The following OR8J3 variants were observed in gnomAD, a reference collection of about 807,000 sequenced individuals.
OR8J3 encodes the protein olfactory receptor family 8 subfamily J member 3.
For synonymous variants in OR8J3, 170 were observed against 142.6 expected, an observed-to-expected ratio of 1.19 and a Z score of -1.37; for missense variants, 418 against 379.8, an observed-to-expected ratio of 1.10 and a Z score of -0.84.
rs1375864083 is a variant in OR8J3 at position 56,136,261 on chromosome 11, T to G, written c.*510A>C. The G allele has an allele frequency of 6.6e-6, 1 of 152,070 alleles. No individual in the cohort carries two copies. Among genetic ancestry groups the G allele is most frequent in the Non-Finnish European group, 1.5e-5 (1 of 67,940 alleles). 9.4% of individuals were successfully genotyped at this position (152,070 alleles called of 1,614,324 possible). On this transcript the variant is annotated 3_prime_UTR_variant, in exon 2 of 2. Coordinates refer to ENST00000642058, the MANE Select transcript of OR8J3 (RefSeq NM_001004064.2). ...ATTTAAAATATGTATTAATTGATAG[T>G]ATGTCTTTATTGTATATTCAAACAA...
At position 56,135,681 on chromosome 11, in the gene OR8J3, A is replaced by G. The variant is rs1420111170; in HGVS notation, c.*1090T>C. On this transcript the variant is annotated 3_prime_UTR_variant, in exon 2 of 2. Coordinates refer to ENST00000642058, the MANE Select transcript of OR8J3 (RefSeq NM_001004064.2). ...TTTAGTCCTGAAGGAACTCTTTAAC[A>G]CAAGAACCTACTTACAAGTAAACTG... The G allele has an allele frequency of 4.6e-5, 7 of 152,006 alleles. No individual in the cohort carries two copies. Among genetic ancestry groups the G allele is most frequent in the African/African-American group, 4.8e-5 (2 of 41,434 alleles). The allele number at this position is 152,006 out of a possible 1,614,324, so 9.4% of individuals were successfully genotyped here.
rs763712468 is a variant in OR8J3, at chr11:56,137,251, A to G, written c.468T>C (p.Ala156=). 2 of 1,614,186 alleles carry G rather than the reference A, an allele frequency of 1.2e-6. No individual in the cohort carries two copies. The highest frequency in any genetic ancestry group is 2.2e-5 in the South Asian group (2 of 91,082). The change falls in exon 2 of 2, where the codon GCT becomes GCC. Residue 156 remains alanine, a synonymous_variant. Transcript: ENST00000642058. ...SLTYLYGFST[A]IVVSPCIFSV... is the part of the protein sequence containing the mutation. ...AGAATATACAAGGTGAAACCACAAT[A>G]GCTGTAGAAAAGCCATAGAGGTATG...
chr11:56,135,204 T>C lies in OR8J3; in HGVS notation c.*1567A>G, dbSNP rs563897797. 17 of 152,012 alleles carry C rather than the reference T, an allele frequency of 1.1e-4. No individual in the cohort carries two copies. Among genetic ancestry groups the C allele is most frequent in the Non-Finnish European group, 2.1e-4 (14 of 67,898 alleles). 9.4% of individuals were successfully genotyped at this position (152,012 alleles called of 1,614,324 possible). ...TTTGTTATTAAACATGTGGTTATAT[T>C]ATTCCATTGTTCAATAGAAGGCCTA... On this transcript the variant is annotated 3_prime_UTR_variant, in exon 2 of 2. Coordinates refer to ENST00000642058, the MANE Select transcript of OR8J3 (RefSeq NM_001004064.2).
In OR8J3 at chr11:56,137,296, G is replaced by A. The variant is rs772204754; in HGVS notation, c.423C>T (p.Cys141=). Residue 141 remains cysteine (C), a synonymous_variant, in exon 2 of 2, where the codon TGC becomes TGT. Coordinates refer to ENST00000642058, the MANE Select transcript of OR8J3 (RefSeq NM_001004064.2). ...GGTATGTGAGGGACACCAGCAGGAG[G>A]CAGAGCCGCCGAGACACCACCACCA... ...LYMVVVSRRL[C]LLLVSLTYLY... 1 of 1,613,860 alleles carries A rather than the reference G, an allele frequency of 6.2e-7. No homozygotes were observed. Among genetic ancestry groups the A allele is most frequent in the Non-Finnish European group, 8.5e-7 (1 of 1,180,010 alleles).
In OR8J3 at chr11:56,135,059, C is replaced by T. The variant is rs1472870689; in HGVS notation, c.*1712G>A. 6.6e-6 allele frequency: 1 copy of T among 151,914 alleles called. No homozygotes were observed. The highest frequency in any genetic ancestry group is 1.5e-5 in the Non-Finnish European group (1 of 67,862). 9.4% of individuals were successfully genotyped at this position (151,914 alleles called of 1,614,324 possible). On this transcript the variant is annotated 3_prime_UTR_variant, in exon 2 of 2. Transcript: ENST00000642058. ...AGATCTGGTAAAATTCATTATATTTCATTTGTCATATTTGGCTACAAACAA... is the reference window on the plus strand; with the variant it reads ...AGATCTGGTAAAATTCATTATATTTTATTTGTCATATTTGGCTACAAACAA...
chr11:56,137,292 G>T lies in OR8J3; in HGVS notation c.427C>A (p.Leu143Met), dbSNP rs749528854. Residue 143 changes from leucine (L) to methionine (M), a missense_variant, in exon 2 of 2, where the codon CTG becomes ATG. By Grantham distance (15) the Leu-to-Met change is conservative (BLOSUM62 2). Coordinates refer to ENST00000642058, the MANE Select transcript of OR8J3 (RefSeq NM_001004064.2). ...MVVVSRRLCL[L>M]LVSLTYLYGF... Reference sequence around the variant, plus strand: ...TAGAGGTATGTGAGGGACACCAGCAGGAGGCAGAGCCGCCGAGACACCACC... The same window carrying T: ...TAGAGGTATGTGAGGGACACCAGCATGAGGCAGAGCCGCCGAGACACCACC... 2 of 1,614,082 alleles carry T rather than the reference G, an allele frequency of 1.2e-6. No individual in the cohort carries two copies. Among genetic ancestry groups the T allele is most frequent in the Admixed American group, 3.3e-5 (2 of 60,020 alleles).
rs1854338690 is a variant in OR8J3 at position 56,137,075 on chromosome 11, A to G, written c.644T>C (p.Leu215Pro). ...TNLVFSMITV[L>P]VSYFNIVLSI... is the part of the protein sequence containing the mutation. The stretch of plus-strand genomic sequence containing the variant: ...CAAAACAATATTGAAATAAGATACT[A>G]GAACTGTAATCATGGAAAAAACCAA... Residue 215 changes from leucine to proline, a missense_variant, in exon 2 of 2, where the codon CTA becomes CCA. Transcript: ENST00000642058. 1.2e-6 allele frequency: 2 copies of G among 1,613,866 alleles called. No individual in the cohort carries two copies. The highest frequency in any genetic ancestry group is 1.7e-6 in the Non-Finnish European group (2 of 1,179,946).
Position 56,137,641 on chromosome 11 carries a change from G to A in OR8J3, c.78C>T (p.Pro26=), listed in dbSNP as rs1358935783. The part of the protein sequence containing the change: ...GVSSCPELQI[P]LFLVFLVLYV... ...AGAGCACTAGGAAGACCAGGAAGAG[G>A]GGAATCTGGAGCTCTGGACAGCTAG... The change falls in exon 2 of 2, where the codon CCC becomes CCT. Residue 26 remains proline, a synonymous_variant. Transcript: ENST00000642058. 2 of 1,614,060 alleles carry A rather than the reference G, an allele frequency of 1.2e-6. No individual in the cohort carries two copies. The highest frequency in any genetic ancestry group is 1.7e-6 in the Non-Finnish European group (2 of 1,180,038).
rs995549543 is a variant in OR8J3 at position 56,137,782 on chromosome 11, A to G, written c.-64T>C. ...AAGTGGTTATAGACGTTAAGGAATC[A>G]TTTTCTAGGATTTCCACTAGATGGC... On this transcript the variant is annotated 5_prime_UTR_variant, in exon 2 of 2. The change abolishes an upstream ATG in the 5' untranslated region. Transcript: ENST00000642058. 1 of 1,327,126 alleles carries G rather than the reference A, an allele frequency of 7.5e-7. No homozygotes were observed. The highest frequency in any genetic ancestry group is 1.4e-5 in the South Asian group (1 of 70,812). 82.2% of individuals were successfully genotyped at this position (1,327,126 alleles called of 1,614,324 possible).
In OR8J3 at chr11:56,137,568, C is replaced by A. The variant is rs1450325315; in HGVS notation, c.151G>T (p.Val51Phe). ...ATGGGGTTTTGAAGTCGAGAGTCAA[C>A]ACTGGTGAGGGTGATGATGCCCAGG... ...GNLGIITLTS[V>F]DSRLQNPMYF... is the part of the protein sequence containing the mutation. Residue 51 changes from valine to phenylalanine, a missense_variant, in exon 2 of 2, where the codon GTT becomes TTT. Transcript: ENST00000642058. 6.2e-7 allele frequency: 1 copy of A among 1,614,040 alleles called. No homozygotes were observed. Among genetic ancestry groups the A allele is most frequent in the African/African-American group, 1.3e-5 (1 of 74,918 alleles).
rs1854375135 is a variant in OR8J3, at chr11:56,140,178, CA to C, written c.-786del. Reference sequence around the variant, plus strand: ...TGATCAATGTTTCTACTTACTTCAACAGAGAATCTGCTTTGCTTTCTACTTC... The same window carrying C: ...TGATCAATGTTTCTACTTACTTCAACGAGAATCTGCTTTGCTTTCTACTTC... On this transcript the variant is annotated 5_prime_UTR_variant, in exon 1 of 2. Coordinates refer to ENST00000642058, the MANE Select transcript of OR8J3 (RefSeq NM_001004064.2). The C allele has an allele frequency of 1.3e-5, 2 of 152,222 alleles. No individual in the cohort carries two copies. Among genetic ancestry groups the C allele is most frequent in the South Asian group, 4.1e-4 (2 of 4,834 alleles). 9.4% of individuals were successfully genotyped at this position (152,222 alleles called of 1,614,324 possible).
In OR8J3 at chr11:56,137,559, G is replaced by T. The variant is rs777157524; in HGVS notation, c.160C>A (p.Arg54=). 7.4e-6 allele frequency: 12 copies of T among 1,614,182 alleles called. No individual in the cohort carries two copies. The highest frequency in any genetic ancestry group is 1.0e-5 in the Non-Finnish European group (12 of 1,180,044). ...GIITLTSVDS[R]LQNPMYFFLR... ...AAAAAGTACATGGGGTTTTGAAGTC[G>T]AGAGTCAACACTGGTGAGGGTGATG... The change falls in exon 2 of 2, where the codon CGA becomes AGA. Residue 54 remains arginine (R), a synonymous_variant. Transcript: ENST00000642058.
intron 1 of OR8J3, among the ~76,000 whole-genome samples, chr11:56,139,642 C>A (rs575747088): frequency 6.6e-6 from 1 of 152,172 alleles, no homozygotes; most frequent in African/African-American, 2.4e-5. Context: ...TTTAAATAAG[C>A]ATAATAGGTA....
In OR8J3 at chr11:56,138,021, G is replaced by A. The variant is rs932860662; in HGVS notation, c.-303C>T. 134 of 306,486 alleles carry A rather than the reference G, an allele frequency of 4.4e-4. 1 individual carries two copies. The highest frequency in any genetic ancestry group is 6.6e-4 in the Non-Finnish European group (111 of 167,134). The allele number at this position is 306,486 out of a possible 1,614,324, so 19.0% of individuals were successfully genotyped here. ...TGCAGTGTAATTGAATTAAGAATAT[G>A]TTCTTAGCTTACAAACATTTGAAGC... On this transcript the variant is annotated 5_prime_UTR_variant, in exon 2 of 2. Transcript: ENST00000642058.
In OR8J3 at chr11:56,137,086, C is replaced by A; in HGVS notation, c.633G>T (p.Met211Ile). Residue 211 changes from methionine (M) to isoleucine (I), a missense_variant, in exon 2 of 2, where the codon ATG becomes ATT. Physicochemically the swap from Met to Ile is conservative, Grantham distance 10. Transcript: ENST00000642058. ...TGAAATAAGATACTAGAACTGTAATCATGGAAAAAACCAAATTTGTTGCTG... is the reference window on the plus strand; with the variant it reads ...TGAAATAAGATACTAGAACTGTAATAATGGAAAAAACCAAATTTGTTGCTG... ...ISAATNLVFS[M>I]ITVLVSYFNI... 6.2e-7 allele frequency: 1 copy of A among 1,613,522 alleles called. No individual in the cohort carries two copies. Among genetic ancestry groups the A allele is most frequent in the Non-Finnish European group, 8.5e-7 (1 of 1,179,884 alleles).
In OR8J3 at chr11:56,134,953, G is replaced by A. The variant is rs1854316150; in HGVS notation, c.*1818C>T. On this transcript the variant is annotated 3_prime_UTR_variant, in exon 2 of 2. Transcript: ENST00000642058. ...TTATTATCGCACTAGGTAAACCAAT[G>A]ATTTTTCAACTGATAAACTTTCATT... The A allele has an allele frequency of 6.6e-6, 1 of 151,904 alleles. No homozygotes were observed. Among genetic ancestry groups the A allele is most frequent in the South Asian group, 2.1e-4 (1 of 4,824 alleles). The allele number at this position is 151,904 out of a possible 1,614,324, so 9.4% of individuals were successfully genotyped here.
chr11:56,137,410 C>A lies in OR8J3; in HGVS notation c.309G>T (p.Gly103=), dbSNP rs148614083. The change falls in exon 2 of 2, where the codon GGG becomes GGT. Residue 103 remains glycine, a synonymous_variant. Coordinates refer to ENST00000642058, the MANE Select transcript of OR8J3 (RefSeq NM_001004064.2). ...CCTCCGATACAATAAAGAACAAGAA[C>A]CCTCCCAGTTGGGTGGCACATTCAT... ...SFYECATQLG[G]FLFFIVSEVM... The A allele has an allele frequency of 1.7e-3, 2,821 of 1,614,162 alleles. 10 individuals carry two copies. The highest frequency in any genetic ancestry group is 3.6e-3 in the South Asian group (331 of 91,088).
At position 56,136,154 on chromosome 11, in the gene OR8J3, G is replaced by A. The variant is rs1854328292; in HGVS notation, c.*617C>T. The A allele has an allele frequency of 6.6e-6, 1 of 151,970 alleles. No homozygotes were observed. Among genetic ancestry groups the A allele is most frequent in the Non-Finnish European group, 1.5e-5 (1 of 67,894 alleles). The allele number at this position is 151,970 out of a possible 1,614,324, so 9.4% of individuals were successfully genotyped here. Reference sequence around the variant, plus strand: ...CAAACCCAGTATAAAAGCATATTCAGTGATAGTAGTCTGAGCATTTTATTT... The same window carrying A: ...CAAACCCAGTATAAAAGCATATTCAATGATAGTAGTCTGAGCATTTTATTT... On this transcript the variant is annotated 3_prime_UTR_variant, in exon 2 of 2. Transcript: ENST00000642058.
chr11:56,138,523 T>A (rs1854358094), intron 1 of OR8J3, 26 bp from the exon 2 acceptor site: 1 of 151,432 alleles, frequency 6.6e-6, no homozygotes. Flanking sequence ...CAAAAAAAAA[T>A]AATTAGCCGT....
Sources: gnomAD v4.1 joint callset for allele counts (sites outside exome capture counted in the v4.1 genomes callset) on GRCh38, gnomAD v4.1.1 for gene constraint, MANE v1.5 for transcripts, NCBI Gene and HGNC (gene_info 2026-07-23, HGNC 2026-07-21) for gene names.